Variants in MEIS2 observed in about 807,000 individuals in gnomAD.
MEIS2 encodes the protein Meis homeobox 2, also known as homeobox protein Meis2.
MEIS2 carries 9 observed loss-of-function variants against 58.6 expected under a neutral mutation model. That is an observed-to-expected ratio of 0.15 (90% CI 0.09 to 0.27). The LOEUF (loss-of-function observed/expected upper bound fraction) is 0.27. MEIS2 is among the 10% of genes least tolerant of loss of function. The probability of loss-of-function intolerance (pLI) is 1.00; values close to 1 mark genes in which losing one functional copy is unlikely to be tolerated. For synonymous variants in MEIS2, 221 were observed against 228.4 expected (o/e 0.97, Z 0.29); for missense variants, 427 against 635.0 (o/e 0.67, Z 3.52).
chr15:37,040,865 C>T (rs1050327010), intron 7 of MEIS2, among the ~76,000 whole-genome samples: 3 of 152,100 alleles, frequency 2.0e-5, no homozygotes, highest in Non-Finnish European at 4.4e-5. Context: ...TGTCCTAGGG[C>T]GGGAAAAAGG....
chr15:36,935,186 CTTTTTT>C (rs71126245), intron 9 of MEIS2, among the ~76,000 whole-genome samples: 1 of 136,616 alleles, frequency 7.3e-6, no homozygotes, highest in African/African-American at 2.8e-5. Flanking sequence ...ATTCTTTTTT[CTTTTTT>C]TTTTTTTTTT....
At chr15:36,911,921 C>T (rs965291636) in intron 9 of MEIS2, among the ~76,000 whole-genome samples, 5 of 152,166 alleles carry the variant, frequency 3.3e-5, no homozygotes, top group African/African-American at 1.2e-4. Flanking sequence ...GTCAGGCAAG[C>T]GCCATTATGG....
chr15:37,009,335 A>G (rs79857840), intron 8 of MEIS2, among the ~76,000 whole-genome samples: 5,103 of 152,340 alleles, frequency 0.033, 117 homozygotes, highest in Non-Finnish European at 0.054. Flanking sequence ...ACTTGAGCAT[A>G]AACCCAATAT....
chr15:37,097,395 A>C (rs1894401413), intron 2 of MEIS2: 1 of 152,322 alleles, frequency 6.6e-6, no homozygotes, highest in Non-Finnish European at 1.5e-5. Context: ...GGCTCCAAGC[A>C]AGCAAGAGTC....
chr15:37,021,689 C>G (rs76129504), intron 8 of MEIS2, among the ~76,000 whole-genome samples: 3 of 152,122 alleles, frequency 2.0e-5, no homozygotes, highest in Non-Finnish European at 4.4e-5. Context: ...ATTTCTCCCC[C>G]TTAGCCAACA....
At chr15:36,928,577 C>A (rs918737118) in intron 9 of MEIS2, among the ~76,000 whole-genome samples, 14 of 152,278 alleles carry the variant, frequency 9.2e-5, no homozygotes, top group African/African-American at 3.1e-4. Flanking sequence ...CAAATACTAC[C>A]TGTGTGTGTA....
intron 8 of MEIS2, among the ~76,000 whole-genome samples, chr15:37,018,397 C>T (rs2061419724): frequency 6.6e-6 from 1 of 152,306 alleles, no homozygotes; most frequent in East Asian, 1.9e-4. Flanking sequence ...GCCAGTAAGA[C>T]CCACATCATC....
chr15:36,919,796 A>G (rs16964304), intron 9 of MEIS2, among the ~76,000 whole-genome samples: 9,221 of 152,288 alleles, frequency 0.061, 495 homozygotes, highest in East Asian at 0.25. Context: ...GATGAAATAG[A>G]GCAAGTAATA....
At position 36,913,792 on chromosome 15, in the gene MEIS2, A is replaced by T. The variant is rs147309065; in HGVS notation, c.978-17106T>A. 2.1e-3 allele frequency among the ~76,000 whole-genome samples: 325 copies of T among 152,146 alleles called. 4 individuals carry two copies. Among genetic ancestry groups the T allele is most frequent in the African/African-American group, 7.6e-3 (315 of 41,504 alleles). On this transcript the variant is annotated intron_variant, in intron 9 of 11. Coordinates refer to ENST00000561208, the MANE Select transcript of MEIS2 (RefSeq NM_170675.5). ...TAAGCACACAGGTCAGAAGGAAAAA[A>T]ATACACCCTGGGGAAAAGAACTCAG...
chr15:37,008,515 T>A (rs1332892255), intron 8 of MEIS2, among the ~76,000 whole-genome samples: 6 of 152,326 alleles, frequency 3.9e-5, no homozygotes, highest in Middle Eastern at 6.8e-3. Context: ...GTCTTCTTAT[T>A]TCTATAATAA....
chr15:36,982,328 T>C (rs1442859873), intron 8 of MEIS2, among the ~76,000 whole-genome samples: 2 of 152,168 alleles, frequency 1.3e-5, no homozygotes, highest in Admixed American at 6.5e-5. Context: ...TCCCAGCCCA[T>C]GGCAATCACT....
intron 4 of MEIS2, 114 bp downstream of exon 4, chr15:37,095,450 A>C: frequency 4.7e-6 from 7 of 1,487,564 alleles, no homozygotes; most frequent in East Asian, 2.3e-5. Context: ...CTCTCTCCCT[A>C]GAGCTCCAAA....
intron 9 of MEIS2, among the ~76,000 whole-genome samples, chr15:36,899,828 C>T (rs567336001): frequency 6.0e-4 from 91 of 152,266 alleles, no homozygotes; most frequent in African/African-American, 2.0e-3. Flanking sequence ...GAATCAGACA[C>T]ATATGGATTA....
At position 36,892,022 on chromosome 15, in the gene MEIS2, T is replaced by C; in HGVS notation, c.*151A>G. ...ATTTCACATTTGTGTTCTTGTTGCA[T>C]TGGTCCTCTGTTGCTTGATGAAAAA... On this transcript the variant is annotated 3_prime_UTR_variant, in exon 12 of 12. Transcript: ENST00000561208. 3 of 790,208 alleles carry C rather than the reference T, an allele frequency of 3.8e-6. No individual in the cohort carries two copies. Among genetic ancestry groups the C allele is most frequent in the Non-Finnish European group, 6.3e-6 (3 of 478,230 alleles). 48.9% of individuals were successfully genotyped at this position (790,208 alleles called of 1,614,324 possible).
At chr15:36,912,822 C>T (rs973731157) in intron 9 of MEIS2, among the ~76,000 whole-genome samples, 5 of 147,892 alleles carry the variant, frequency 3.4e-5, no homozygotes, top group African/African-American at 1.0e-4. Flanking sequence ...CTACTCACCC[C>T]CCACTCCTGA....
At chr15:36,923,961 TA>T (rs2057632656) in intron 9 of MEIS2, among the ~76,000 whole-genome samples, 1 of 152,178 alleles carries the variant, frequency 6.6e-6, no homozygotes, top group African/African-American at 2.4e-5. Flanking sequence ...CTTCAATTAC[TA>T]AAAAATGGGA....
chr15:36,959,979 A>C (rs1162744010), intron 8 of MEIS2, among the ~76,000 whole-genome samples: 1 of 152,138 alleles, frequency 6.6e-6, no homozygotes, highest in Non-Finnish European at 1.5e-5. Context: ...AATGAGGATT[A>C]GTGATTAGTC....
intron 8 of MEIS2, among the ~76,000 whole-genome samples, chr15:37,014,116 C>T (rs990362091): frequency 1.3e-5 from 2 of 152,124 alleles, no homozygotes; most frequent in Non-Finnish European, 2.9e-5. Context: ...TGCTTTGGGT[C>T]CATTTTGTCA....
At position 37,054,971 on chromosome 15, in the gene MEIS2, T is replaced by C. The variant is rs140227437; in HGVS notation, c.755-18012A>G. 3.7e-4 allele frequency among the ~76,000 whole-genome samples: 57 copies of C among 152,348 alleles called. 1 individual carries two copies. The East Asian group carries it at 6.6e-3, about 18-fold the overall frequency. ...CTTCCAGACACTCTGCTAAACACTT[T>C]ATATGAATTCCTTTGTTTAATTCTC... On this transcript the variant is annotated intron_variant, in intron 7 of 11. Transcript: ENST00000561208.
Sources: gnomAD v4.1 joint callset for allele counts (sites outside exome capture counted in the v4.1 genomes callset) on GRCh38, gnomAD v4.1.1 for gene constraint, MANE v1.5 for transcripts, NCBI Gene and HGNC (gene_info 2026-07-23, HGNC 2026-07-21) for gene names.